Variants in PLEKHA7 observed in about 807,000 individuals in gnomAD.
The protein encoded by PLEKHA7 is pleckstrin homology domain containing A7.
PLEKHA7 carries 104 observed loss-of-function variants against 170.0 expected under a neutral mutation model. The observed-to-expected ratio is 0.61, with a 90% CI of 0.52 to 0.72. The LOEUF (loss-of-function observed/expected upper bound fraction) is 0.72, where lower values mean the gene tolerates loss of function less well. Ranked by LOEUF, PLEKHA7 falls within the 30% of genes least tolerant of loss-of-function variation. The pLI, the probability that PLEKHA7 is intolerant of heterozygous loss-of-function variation, is 0.00. For missense variants in PLEKHA7, 1,615 were observed against 1,671.7 expected (o/e 0.97, Z 0.59); for synonymous variants, 648 against 660.8 (o/e 0.98, Z 0.30).
chr11:16,837,672 A>T (rs1439698448), intron 9 of PLEKHA7, among the ~76,000 whole-genome samples: 2 of 152,214 alleles, frequency 1.3e-5, no homozygotes, highest in Middle Eastern at 3.2e-3. Context: ...TCTATTTATT[A>T]AAATACATGG....
intron 13 of PLEKHA7, among the ~76,000 whole-genome samples, chr11:16,810,917 G>C (rs528697968): frequency 6.6e-6 from 1 of 152,112 alleles, no homozygotes; most frequent in Non-Finnish European, 1.5e-5. Flanking sequence ...TCGGAGTCAC[G>C]GTCCATTAAA....
chr11:16,967,491 G>A (rs1438588291), intron 3 of PLEKHA7, among the ~76,000 whole-genome samples: 1 of 152,224 alleles, frequency 6.6e-6, no homozygotes, highest in African/African-American at 2.4e-5. Flanking sequence ...CCACACAGGG[G>A]AAGGTGAGGG....
chr11:16,784,309 C>T (rs1849256636), intron 24 of PLEKHA7, among the ~76,000 whole-genome samples: 1 of 152,204 alleles, frequency 6.6e-6, no homozygotes, highest in African/African-American at 2.4e-5. Context: ...CCCTCCACCC[C>T]CTCACTTTCC....
chr11:16,889,416 AAAAAATATATAT>A (rs1234726425), intron 3 of PLEKHA7, among the ~76,000 whole-genome samples: 1 of 109,842 alleles, frequency 9.1e-6, no homozygotes, highest in Admixed American at 9.9e-5. Flanking sequence ...AAAAAAAAAA[AAAAAATATATAT>A]ATATATATAT....
At chr11:16,826,630 A>G (rs758760564) in intron 9 of PLEKHA7, 40 bp from the exon 10 acceptor site, 1 of 1,549,374 alleles carries the variant, frequency 6.5e-7, no homozygotes, top group Admixed American at 1.7e-5. Context: ...TCCACAGCCA[A>G]GACTCCATGA....
chr11:16,891,454 C>T (rs765708921), intron 3 of PLEKHA7, among the ~76,000 whole-genome samples: 6 of 152,240 alleles, frequency 3.9e-5, no homozygotes, highest in South Asian at 2.1e-4. Flanking sequence ...CTTTGATTTT[C>T]GACTTCTTGT....
chr11:16,893,212 C>T (rs779847964), intron 3 of PLEKHA7, among the ~76,000 whole-genome samples: 29 of 152,168 alleles, frequency 1.9e-4, no homozygotes, highest in Non-Finnish European at 2.9e-4. Flanking sequence ...TTGTCCAAGA[C>T]CACACATTTC....
chr11:16,992,723 T>G (rs1043530822), intron 3 of PLEKHA7, among the ~76,000 whole-genome samples: 3 of 142,182 alleles, frequency 2.1e-5, no homozygotes, highest in Non-Finnish European at 4.5e-5. Flanking sequence ...GCCACTGCAC[T>G]CCAGCCTGGG....
In PLEKHA7 at chr11:16,975,674, A is replaced by G. The variant is rs1250407739; in HGVS notation, c.221+38315T>C. ...ACTATATATTATCCCATTTTTGTTA[A>G]AACACACATATAAATACATAGATAC... On this transcript the variant is annotated intron_variant, in intron 3 of 26. Transcript: ENST00000531066. 2.0e-5 allele frequency among the ~76,000 whole-genome samples: 3 copies of G among 152,194 alleles called. 1 individual carries two copies. Among genetic ancestry groups the G allele is most frequent in the Non-Finnish European group, 2.9e-5 (2 of 68,034 alleles).
intron 3 of PLEKHA7, among the ~76,000 whole-genome samples, chr11:16,968,903 T>C (rs1416597010): frequency 1.3e-5 from 2 of 152,142 alleles, no homozygotes; most frequent in Non-Finnish European, 2.9e-5. Flanking sequence ...ATGCCCCCCA[T>C]ACCCACCTAT....
chr11:16,923,785 G>GC (rs1433256283), intron 3 of PLEKHA7, among the ~76,000 whole-genome samples: 2 of 152,156 alleles, frequency 1.3e-5, no homozygotes, highest in South Asian at 2.1e-4. Flanking sequence ...CATAAACTCA[G>GC]CCGCCTCTTG....
intron 13 of PLEKHA7, among the ~76,000 whole-genome samples, chr11:16,811,509 C>T (rs1849370119): frequency 6.6e-6 from 1 of 152,172 alleles, no homozygotes; most frequent in African/African-American, 2.4e-5. Context: ...GCTGCTGGAT[C>T]TCTCTCCATA....
At chr11:16,964,775 C>G (rs1862268619) in intron 3 of PLEKHA7, among the ~76,000 whole-genome samples, 1 of 152,212 alleles carries the variant, frequency 6.6e-6, no homozygotes, top group East Asian at 1.9e-4. Flanking sequence ...TCCTTAGATA[C>G]TGGGGGACAC....
chr11:16,822,929 A>G (rs899037406), intron 10 of PLEKHA7, among the ~76,000 whole-genome samples: 1 of 152,158 alleles, frequency 6.6e-6, no homozygotes, highest in African/African-American at 2.4e-5. Context: ...GCCTAGCAAC[A>G]GTTTCTTGAC....
At chr11:16,993,722 A>G (rs1364699620) in intron 3 of PLEKHA7, among the ~76,000 whole-genome samples, 1 of 152,166 alleles carries the variant, frequency 6.6e-6, no homozygotes, top group African/African-American at 2.4e-5. Flanking sequence ...TAAAGTTTAA[A>G]AGCCCTGCAC....
At chr11:16,801,322 T>C (rs1468251221) in intron 16 of PLEKHA7, among the ~76,000 whole-genome samples, 1 of 152,204 alleles carries the variant, frequency 6.6e-6, no homozygotes, top group Non-Finnish European at 1.5e-5. Flanking sequence ...CCCTGGCCTG[T>C]ACCACAACAG....
At chr11:16,799,810 C>T (rs1291994848) in intron 17 of PLEKHA7, among the ~76,000 whole-genome samples, 1 of 152,206 alleles carries the variant, frequency 6.6e-6, no homozygotes, top group African/African-American at 2.4e-5. Context: ...AGGAGATAGA[C>T]AAGTGCTGGG....
At chr11:16,911,433 G>A (rs897806025) in intron 3 of PLEKHA7, among the ~76,000 whole-genome samples, 10 of 152,170 alleles carry the variant, frequency 6.6e-5, no homozygotes, top group African/African-American at 1.7e-4. Context: ...AGAGGGCATC[G>A]GAGAAGGGGT....
At chr11:16,819,723 A>T (rs958531320) in intron 10 of PLEKHA7, among the ~76,000 whole-genome samples, 1 of 152,214 alleles carries the variant, frequency 6.6e-6, no homozygotes, top group South Asian at 2.1e-4. Context: ...GTATGACCTC[A>T]CTTATATGTG....
Sources: gnomAD v4.1 joint callset for allele counts (sites outside exome capture counted in the v4.1 genomes callset) on GRCh38, gnomAD v4.1.1 for gene constraint, MANE v1.5 for transcripts, NCBI Gene and HGNC (gene_info 2026-07-23, HGNC 2026-07-21) for gene names.